The following GLB1L2 variants were observed in gnomAD, a reference collection of about 807,000 sequenced individuals.
GLB1L2 encodes the protein galactosidase beta 1 like 2, also known as beta-galactosidase-1-like protein 2.
GLB1L2 carries 68 observed loss-of-function variants against 84.1 expected under a neutral mutation model. That is an observed-to-expected ratio of 0.81 (90% CI 0.67 to 0.99). GLB1L2 has a LOEUF of 0.99. GLB1L2 is among the 50% of genes least tolerant of loss of function. GLB1L2 has a pLI of 0.00. For missense variants in GLB1L2, 762 were observed against 805.6 expected, an observed-to-expected ratio of 0.95 and a Z score of 0.66; for synonymous variants, 290 against 318.0, an observed-to-expected ratio of 0.91 and a Z score of 0.94.
intron 16 of GLB1L2, 78 bp downstream of exon 16, chr11:134,373,886 C>G: frequency 9.1e-7 from 1 of 1,102,284 alleles, no homozygotes; most frequent in African/African-American, 1.6e-5. Flanking sequence ...CCCTGGTGCA[C>G]CGTGGCCTGG....
chr11:134,347,491 A>G, intron 5 of GLB1L2, 58 bp downstream of exon 5: 1 of 1,226,956 alleles, frequency 8.2e-7, no homozygotes, highest in East Asian at 2.3e-5. Context: ...GTCGTGGATC[A>G]TCCTTGGTTA....
At chr11:134,333,628 G>T (rs1039326722) in intron 1 of GLB1L2, among the ~76,000 whole-genome samples, 3 of 152,196 alleles carry the variant, frequency 2.0e-5, no homozygotes, top group Admixed American at 6.5e-5. Context: ...GGTATGCGAA[G>T]GAGGCTGAGG....
intron 1 of GLB1L2, among the ~76,000 whole-genome samples, chr11:134,340,268 A>G (rs1943442453): frequency 6.6e-6 from 1 of 151,050 alleles, no homozygotes; most frequent in South Asian, 2.1e-4. Flanking sequence ...TGTCTTTAAA[A>G]ACAGTGATAT....
rs138825953 is a variant in GLB1L2, at chr11:134,370,225, G to A, written c.1109-68G>A. ...CACATCGGGTCTGTGGATGGGAGCC[G>A]GGTGGGGAGGACGAGCAGGCAGTGA... On this transcript the variant is annotated intron_variant, in intron 11 of 18. Coordinates refer to ENST00000535456, the MANE Select transcript of GLB1L2 (RefSeq NM_001370461.1). This position sits in a 1 kb window ranked among gnomAD's most constrained non-coding sequence, Gnocchi z 4.7. The A allele has an allele frequency of 0.028, 37,269 of 1,311,654 alleles. 672 individuals are homozygous for A. The highest frequency in any genetic ancestry group is 0.035 in the Non-Finnish European group (31,875 of 906,196). The allele number at this position is 1,311,654 out of a possible 1,614,324, so 81.3% of individuals were successfully genotyped here.
chr11:134,361,429 C>G (rs147281722), intron 7 of GLB1L2: 1 of 152,270 alleles, frequency 6.6e-6, no homozygotes, highest in Non-Finnish European at 1.5e-5. Flanking sequence ...GTGGGCCTCG[C>G]GGATGTGTAT....
At chr11:134,340,289 T>TGTGCAG (rs1943443300) in intron 1 of GLB1L2, among the ~76,000 whole-genome samples, 1 of 73,114 alleles carries the variant, frequency 1.4e-5, no homozygotes. Context: ...TTTGTGTGTG[T>TGTGCAG]GTGCATGTGC....
At chr11:134,345,534 G>C (rs2136267563) in intron 4 of GLB1L2, among the ~76,000 whole-genome samples, 1 of 152,314 alleles carries the variant, frequency 6.6e-6, no homozygotes, top group East Asian at 1.9e-4. Flanking sequence ...GCAGTGGTGT[G>C]ATCTTGGCTT....
chr11:134,368,684 C>G lies in GLB1L2; in HGVS notation c.930C>G (p.Ser310=). The G allele has an allele frequency of 6.2e-7, 1 of 1,613,982 alleles. No homozygotes were observed. Residue 310 remains serine (S), a synonymous_variant, in exon 10 of 19, where the codon TCC becomes TCG. Coordinates refer to ENST00000535456, the MANE Select transcript of GLB1L2 (RefSeq NM_001370461.1). Reference sequence around the variant, plus strand: ...TGTCTGCCATTGTGGACGCCGGCTCCTCCATCAACCTCTACATGTTCCACG... The same window carrying G: ...TGTCTGCCATTGTGGACGCCGGCTCGTCCATCAACCTCTACATGTTCCACG... ...KTVSAIVDAG[S]SINLYMFHGG... is the part of the protein sequence containing the mutation.
At chr11:134,347,480 G>T in intron 5 of GLB1L2, 47 bp downstream of exon 5, 2 of 1,327,696 alleles carry the variant, frequency 1.5e-6, no homozygotes, top group Non-Finnish European at 1.1e-6. Context: ...TCTTCCTCTA[G>T]GTCGTGGATC....
intron 8 of GLB1L2, chr11:134,367,000 A>G (rs188419740): frequency 3.6e-5 from 19 of 523,276 alleles, no homozygotes; most frequent in South Asian, 2.9e-4. Context: ...CAACATTAAA[A>G]CCATCAGGGT....
At chr11:134,364,223 G>A (rs571539758) in intron 7 of GLB1L2, 105 bp from the exon 8 acceptor site, 59 of 851,758 alleles carry the variant, frequency 6.9e-5, no homozygotes, top group Middle Eastern at 2.3e-4. Context: ...TGTCAGGGCC[G>A]CTTACTTTAT....
intron 6 of GLB1L2, among the ~76,000 whole-genome samples, chr11:134,356,703 G>A: frequency 6.6e-6 from 1 of 152,208 alleles, no homozygotes; most frequent in East Asian, 1.9e-4. Context: ...CTAAAGCAGT[G>A]GTTCCCAGCC....
intron 9 of GLB1L2, among the ~76,000 whole-genome samples, chr11:134,368,117 A>C (rs1943890433): frequency 1.3e-5 from 2 of 152,200 alleles, no homozygotes; most frequent in African/African-American, 2.4e-5. Flanking sequence ...ATAACTTTTA[A>C]TATTTGTCTA....
At chr11:134,354,219 C>A (rs1943673362) in intron 5 of GLB1L2, among the ~76,000 whole-genome samples, 1 of 151,872 alleles carries the variant, frequency 6.6e-6, no homozygotes, top group Admixed American at 6.6e-5. Context: ...TATATAATAT[C>A]CTAAAGTTGT....
chr11:134,350,943 G>C (rs927114844), intron 5 of GLB1L2, among the ~76,000 whole-genome samples: 1 of 152,198 alleles, frequency 6.6e-6, no homozygotes, highest in Non-Finnish European at 1.5e-5. Flanking sequence ...GTGGGGATGT[G>C]CACTGTTTTC....
chr11:134,356,306 G>A lies in GLB1L2; in HGVS notation c.564G>A (p.Lys188=). ...TTTCTGTCTTTTCTCCGCAGTACAA[G>A]CGTGGGGGACCTATCATTGCCGTGC... ...LMSRVVPLQY[K]RGGPIIAVQV... The change falls in exon 6 of 19, where the codon AAG becomes AAA. Residue 188 remains lysine (K), a synonymous_variant. Coordinates refer to ENST00000535456, the MANE Select transcript of GLB1L2 (RefSeq NM_001370461.1). 6.2e-7 allele frequency: 1 copy of A among 1,613,786 alleles called. No homozygotes were observed. The highest frequency in any genetic ancestry group is 1.1e-5 in the South Asian group (1 of 91,076).
Position 134,370,500 on chromosome 11 carries a change from C to A in GLB1L2, c.1215+101C>A. 1 of 886,810 alleles carries A rather than the reference C, an allele frequency of 1.1e-6. No individual in the cohort carries two copies. The highest frequency in any genetic ancestry group is 1.4e-5 in the South Asian group (1 of 70,646). 54.9% of individuals were successfully genotyped at this position (886,810 alleles called of 1,614,324 possible). On this transcript the variant is annotated intron_variant, in intron 12 of 18. Coordinates refer to ENST00000535456, the MANE Select transcript of GLB1L2 (RefSeq NM_001370461.1). The surrounding 1 kb of genome is among the most constrained non-coding windows in gnomAD (Gnocchi z 4.7). ...GCAGTCGTCGGCGGGAGGTGAGAGT[C>A]GTCGGGGCAGCAGGGCCTGGAGCCC...
chr11:134,368,752 A>G lies in GLB1L2; in HGVS notation c.998A>G (p.His333Arg). The G allele has an allele frequency of 6.2e-7, 1 of 1,613,808 alleles. No individual in the cohort carries two copies. Among genetic ancestry groups the G allele is most frequent in the Non-Finnish European group, 8.5e-7 (1 of 1,179,872 alleles). ...FGFMNGAMHF[H>R]DYKSDVTSYD... is the part of the protein sequence containing the mutation. ...TTCATGAATGGAGCCATGCACTTCC[A>G]TGACTACAAGTCAGATGTCACCAGC... Residue 333 changes from histidine (H) to arginine (R), a missense_variant, in exon 10 of 19, where the codon CAT becomes CGT. Coordinates refer to ENST00000535456, the MANE Select transcript of GLB1L2 (RefSeq NM_001370461.1).
At position 134,374,267 on chromosome 11, in the gene GLB1L2, C is replaced by A. The variant is rs753370945; in HGVS notation, c.1707+11C>A. 8 of 1,573,360 alleles carry A rather than the reference C, an allele frequency of 5.1e-6. No individual in the cohort carries two copies. Among genetic ancestry groups the A allele is most frequent in the Non-Finnish European group, 6.1e-6 (7 of 1,142,970 alleles). ...TTTCTGAAGCTGGAGGTTGGTAACG[C>A]CCTTTTCCCTGCCAGTTTCTCCCAC... On this transcript the variant is annotated intron_variant, in intron 17 of 18. Coordinates refer to ENST00000535456, the MANE Select transcript of GLB1L2 (RefSeq NM_001370461.1).
Sources: allele counts gnomAD v4.1 joint callset (sites outside exome capture counted in the v4.1 genomes callset), GRCh38; gene constraint gnomAD v4.1.1; non-coding constraint Gnocchi (gnomAD v3.1); transcripts MANE v1.5; gene names NCBI Gene and HGNC (gene_info 2026-07-23, HGNC 2026-07-21).